CEP128: variants seen among roughly 807,000 people sequenced by gnomAD.
CEP128 encodes centrosomal protein 128kDa.
Under a neutral mutation model 156.7 loss-of-function variants are expected in CEP128, and 132 were observed. That is an observed-to-expected ratio of 0.84 (90% confidence interval 0.73 to 0.97). CEP128 has a LOEUF of 0.97. Among genes scored for constraint, CEP128 ranks in the 50% least tolerant of loss-of-function variants. CEP128 has a pLI of 0.00. For missense variants in CEP128, 1,252 were observed against 1,281.9 expected (o/e 0.98, Z 0.36); for synonymous variants, 469 against 448.9 (o/e 1.04, Z -0.57).
chr14:80,711,848 C>A (rs1897422604), intron 19 of CEP128, among the ~76,000 whole-genome samples: 1 of 151,614 alleles, frequency 6.6e-6, no homozygotes, highest in Non-Finnish European at 1.5e-5. Context: ...CTACTATGTA[C>A]CTAAAAATTT....
chr14:80,660,823 G>A (rs1343058053), intron 19 of CEP128, among the ~76,000 whole-genome samples: 2 of 152,132 alleles, frequency 1.3e-5, no homozygotes, highest in Non-Finnish European at 1.5e-5. Flanking sequence ...TGGCTATCCT[G>A]TCTCTTCAGC....
At position 80,898,375 on chromosome 14, in the gene CEP128, C is replaced by T. The variant is rs185790640; in HGVS notation, c.572+1563G>A. 1.6e-3 allele frequency among the ~76,000 whole-genome samples: 243 copies of T among 152,246 alleles called. 1 individual carries two copies. The highest frequency in any genetic ancestry group is 5.7e-3 in the African/African-American group (237 of 41,540). On this transcript the variant is annotated intron_variant, in intron 7 of 24. Coordinates refer to ENST00000555265, the MANE Select transcript of CEP128 (RefSeq NM_152446.5). ...TTACACATTCACAAAGGTAAGCCAC[C>T]TCATTTCCCAAGAAACCTAACTCCT...
intron 19 of CEP128, among the ~76,000 whole-genome samples, chr14:80,622,468 T>C (rs1182519047): frequency 6.8e-6 from 1 of 146,160 alleles, no homozygotes; most frequent in Non-Finnish European, 1.5e-5. Flanking sequence ...GGGATCTAAT[T>C]AAACTAAAGA....
At chr14:80,950,016 T>C (rs971785696) in intron 2 of CEP128, among the ~76,000 whole-genome samples, 6 of 152,224 alleles carry the variant, frequency 3.9e-5, no homozygotes, top group Admixed American at 1.3e-4. Flanking sequence ...ATAGCATCTT[T>C]AACGATATTT....
chr14:80,720,148 C>T (rs116268694), intron 19 of CEP128, among the ~76,000 whole-genome samples: 2,900 of 152,082 alleles, frequency 0.019, 100 homozygotes, highest in African/African-American at 0.065. Flanking sequence ...TACTGTGACA[C>T]CTGTGAGGCA....
chr14:80,694,549 A>G (rs1443434541), intron 19 of CEP128, among the ~76,000 whole-genome samples: 1 of 152,172 alleles, frequency 6.6e-6, no homozygotes, highest in Non-Finnish European at 1.5e-5. Flanking sequence ...GCACATATAC[A>G]CCATGGAATA....
At chr14:80,940,513 AT>A (rs58675563) in intron 1 of CEP128, among the ~76,000 whole-genome samples, 12,434 of 148,850 alleles carry the variant, frequency 0.084, 1,390 homozygotes, top group African/African-American at 0.26. Context: ...GACTTAAAAT[AT>A]TTTTTTTTTT....
chr14:80,640,771 C>T (rs868405442), intron 19 of CEP128, among the ~76,000 whole-genome samples: 2 of 152,290 alleles, frequency 1.3e-5, no homozygotes, highest in Middle Eastern at 3.4e-3. Flanking sequence ...AAAGAAACCA[C>T]CCTTTTGCTG....
chr14:80,515,047 A>C (rs1190007435), intron 23 of CEP128, among the ~76,000 whole-genome samples: 3 of 152,144 alleles, frequency 2.0e-5, no homozygotes, highest in African/African-American at 7.2e-5. Flanking sequence ...ACCAGGCGGA[A>C]TCTCTTTTTC....
chr14:80,853,742 A>G (rs80210408), intron 9 of CEP128, among the ~76,000 whole-genome samples: 4,048 of 152,096 alleles, frequency 0.027, 178 homozygotes, highest in African/African-American at 0.092. Flanking sequence ...TCATTTACCA[A>G]AAGATAATAA....
At chr14:80,850,438 T>C (rs565616011) in intron 9 of CEP128, among the ~76,000 whole-genome samples, 1 of 152,276 alleles carries the variant, frequency 6.6e-6, no homozygotes, top group East Asian at 1.9e-4. Context: ...TTGTAGTAAT[T>C]CCCTATCAAG....
rs117240885 is a variant in CEP128, at chr14:80,556,973, G to A, written c.2880+2306C>T. ...TCAAAGGACTTCATAATATTTGATCGTTAGCACTATTACTGAGCATTTTAA... is the reference window on the plus strand; with the variant it reads ...TCAAAGGACTTCATAATATTTGATCATTAGCACTATTACTGAGCATTTTAA... On this transcript the variant is annotated intron_variant, in intron 21 of 24. Coordinates refer to ENST00000555265, the MANE Select transcript of CEP128 (RefSeq NM_152446.5). Among the ~76,000 whole-genome samples the A allele has an allele frequency of 9.2e-3, 1,395 of 152,214 alleles. 7 individuals carry two copies. The highest frequency in any genetic ancestry group is 0.013 in the Non-Finnish European group (901 of 67,976).
chr14:80,599,267 T>G (rs1057392912), intron 19 of CEP128, among the ~76,000 whole-genome samples: 3 of 44,338 alleles, frequency 6.8e-5, no homozygotes, highest in Non-Finnish European at 1.4e-4. Context: ...GTCATATTCT[T>G]TTTTTTTTTT....
chr14:80,924,569 T>A (rs1200272592), intron 2 of CEP128, among the ~76,000 whole-genome samples: 1 of 152,190 alleles, frequency 6.6e-6, no homozygotes, highest in East Asian at 1.9e-4. Flanking sequence ...TCCACTCATC[T>A]TGAAGGATGC....
intron 19 of CEP128, among the ~76,000 whole-genome samples, chr14:80,586,026 T>G (rs540952610): frequency 5.3e-5 from 8 of 152,284 alleles, no homozygotes; most frequent in Non-Finnish European, 1.0e-4. Context: ...TCAGTTTCTC[T>G]TTTTCTTCCT....
chr14:80,774,442 T>C (rs745928946), intron 16 of CEP128, among the ~76,000 whole-genome samples: 1 of 152,168 alleles, frequency 6.6e-6, no homozygotes, highest in Non-Finnish European at 1.5e-5. Flanking sequence ...AAGGCCTCAT[T>C]TATCAAATTC....
At chr14:80,816,763 G>A (rs778061604) in intron 13 of CEP128, among the ~76,000 whole-genome samples, 1 of 152,164 alleles carries the variant, frequency 6.6e-6, no homozygotes, top group Non-Finnish European at 1.5e-5. Context: ...GATCAGCTAA[G>A]AGAATCGTAA....
chr14:80,922,590 T>C (rs922279693), intron 2 of CEP128, among the ~76,000 whole-genome samples: 1 of 152,168 alleles, frequency 6.6e-6, no homozygotes, highest in Non-Finnish European at 1.5e-5. Flanking sequence ...GGAGAACGAA[T>C]TAAAAATGGT....
intron 8 of CEP128, among the ~76,000 whole-genome samples, chr14:80,886,060 C>T (rs1320666648): frequency 7.2e-5 from 11 of 151,982 alleles, no homozygotes; most frequent in Non-Finnish European, 1.6e-4. Flanking sequence ...TAAAATAAAG[C>T]ATGAAGACAA....
Sources: gnomAD v4.1 joint callset for allele counts (sites outside exome capture counted in the v4.1 genomes callset) on GRCh38, gnomAD v4.1.1 for gene constraint, MANE v1.5 for transcripts, NCBI Gene and HGNC (gene_info 2026-07-23, HGNC 2026-07-21) for gene names.